The following EXPH5 variants were observed in gnomAD, a reference collection of about 807,000 sequenced individuals.
EXPH5 encodes the protein exophilin 5.
A neutral mutation model predicts 41.1 loss-of-function variants in EXPH5; 42 were observed. That is an observed-to-expected ratio of 1.02 (90% CI 0.80 to 1.32). The LOEUF (loss-of-function observed/expected upper bound fraction) is 1.32. EXPH5 is among the 40% of genes most tolerant of loss of function. The pLI is 0.00. For synonymous variants in EXPH5, 798 were observed against 833.5 expected, an observed-to-expected ratio of 0.96 and a Z score of 0.73; for missense variants, 2,298 against 2,314.5, an observed-to-expected ratio of 0.99 and a Z score of 0.15.
chr11:108,527,630 T>C (rs961518714), intron 4 of EXPH5, among the ~76,000 whole-genome samples: 1 of 152,188 alleles, frequency 6.6e-6, no homozygotes, highest in African/African-American at 2.4e-5. Flanking sequence ...TTAAGCTTCT[T>C]TATCTTGTCA....
intron 1 of EXPH5, among the ~76,000 whole-genome samples, chr11:108,560,288 A>C (rs1481041525): frequency 1.3e-5 from 2 of 152,240 alleles, no homozygotes; most frequent in East Asian, 3.8e-4. Flanking sequence ...GTTAAAGCTC[A>C]TTGGTTTGGA....
chr11:108,519,616 C>T (rs1244943296), intron 4 of EXPH5, among the ~76,000 whole-genome samples: 3 of 151,854 alleles, frequency 2.0e-5, no homozygotes, highest in East Asian at 1.9e-4. Flanking sequence ...GGTGTGGTGG[C>T]GAGTGCCTGT....
rs1313991896 is a variant in EXPH5 at position 108,505,555 on chromosome 11, T to C, written c.*3982A>G. On this transcript the variant is annotated 3_prime_UTR_variant, in exon 6 of 6. Coordinates refer to ENST00000265843, the MANE Select transcript of EXPH5 (RefSeq NM_015065.3). Reference sequence around the variant, plus strand: ...TACATAAAAGGATTATTTGACAAAGTTTTAACAAAAGTGCTTACAGCTTAT... The same window carrying C: ...TACATAAAAGGATTATTTGACAAAGCTTTAACAAAAGTGCTTACAGCTTAT... 6.6e-6 allele frequency: 1 copy of C among 152,150 alleles called. No homozygotes were observed. Among genetic ancestry groups the C allele is most frequent in the Non-Finnish European group, 1.5e-5 (1 of 68,018 alleles). 9.4% of individuals were successfully genotyped at this position (152,150 alleles called of 1,614,324 possible).
chr11:108,581,195 TAGGG>T (rs779356363), intron 1 of EXPH5, among the ~76,000 whole-genome samples: 1 of 151,908 alleles, frequency 6.6e-6, no homozygotes, highest in East Asian at 1.9e-4. Flanking sequence ...TCCCAGCTAC[TAGGG>T]AGGCTGAGGT....
chr11:108,563,460 G>A (rs2094021470), intron 1 of EXPH5, among the ~76,000 whole-genome samples: 2 of 152,192 alleles, frequency 1.3e-5, no homozygotes. Context: ...GAAAGAGGTT[G>A]TGGGTGAACC....
At chr11:108,601,676 C>T in the EXPH5 span, among the ~76,000 whole-genome samples, 18 of 151,632 alleles carry the variant, frequency 1.2e-4, no homozygotes, top group Admixed American at 2.0e-4. Flanking sequence ...ATGATGGAAA[C>T]TCTCTTTCTT....
chr11:108,559,445 C>T (rs2095084216), intron 1 of EXPH5, among the ~76,000 whole-genome samples: 1 of 152,192 alleles, frequency 6.6e-6, no homozygotes, highest in Admixed American at 6.5e-5. Context: ...GGTATACTAG[C>T]ACAGCTGCAA....
Position 108,526,642 on chromosome 11 carries a change from C to T in EXPH5, c.492+1494G>A, listed in dbSNP as rs980965181. ...CACTGCTTAGTTAAAGCAGAGTCTC[C>T]GCAGGTGGCGAGCAACTGGGGTCCA... On this transcript the variant is annotated intron_variant, in intron 4 of 5. Coordinates refer to ENST00000265843, the MANE Select transcript of EXPH5 (RefSeq NM_015065.3). 7.2e-5 allele frequency among the ~76,000 whole-genome samples: 11 copies of T among 152,270 alleles called. No individual in the cohort carries two copies. In the South Asian group the frequency reaches 1.0e-3, roughly 14 times the overall value.
chr11:108,577,658 G>A (rs773322417), intron 1 of EXPH5, among the ~76,000 whole-genome samples: 3 of 152,018 alleles, frequency 2.0e-5, no homozygotes, highest in East Asian at 1.9e-4. Flanking sequence ...CCTGACCTCA[G>A]GTAATCTGCC....
At chr11:108,558,342 G>A (rs2093998395) in intron 1 of EXPH5, among the ~76,000 whole-genome samples, 1 of 152,174 alleles carries the variant, frequency 6.6e-6, no homozygotes, top group South Asian at 2.1e-4. Flanking sequence ...CTCTGCCTTA[G>A]CCTCCCAAGT....
chr11:108,533,631 C>G (rs1012022425), intron 3 of EXPH5, among the ~76,000 whole-genome samples: 1 of 152,178 alleles, frequency 6.6e-6, no homozygotes, highest in Non-Finnish European at 1.5e-5. Flanking sequence ...CCCCTCAAAT[C>G]TATTCTTTGC....
intron 1 of EXPH5, among the ~76,000 whole-genome samples, chr11:108,545,718 C>T (rs2093935131): frequency 6.6e-6 from 1 of 152,044 alleles, no homozygotes; most frequent in African/African-American, 2.4e-5. Flanking sequence ...GCCTGGCCAA[C>T]ATAGCGAAAA....
intron 1 of EXPH5, chr11:108,567,888 G>A (rs1366460165): frequency 6.6e-6 from 1 of 152,200 alleles, no homozygotes; most frequent in Non-Finnish European, 1.5e-5. Flanking sequence ...CAGTCTTCCA[G>A]GGGCTTCATC....
At position 108,513,323 on chromosome 11, in the gene EXPH5, T is replaced by A; in HGVS notation, c.2184A>T (p.Gln728His). 1 of 1,613,766 alleles carries A rather than the reference T, an allele frequency of 6.2e-7. No homozygotes were observed. The highest frequency in any genetic ancestry group is 8.5e-7 in the Non-Finnish European group (1 of 1,179,862). Residue 728 changes from glutamine to histidine, a missense_variant, in exon 6 of 6, where the codon CAA becomes CAT. Gln to His is a conservative substitution (Grantham distance 24, BLOSUM62 0). Transcript: ENST00000265843. Reference protein sequence around the residue: ...DQTNKAGEIPQPVSQTGISNS... With the variant: ...DQTNKAGEIPHPVSQTGISNS... ...TTGAGATCCCTGTCTGTGAAACAGG[T>A]TGGGGTATTTCACCTGCCTTGTTTG...
intron 3 of EXPH5, among the ~76,000 whole-genome samples, chr11:108,537,376 G>A (rs2093886236): frequency 1.3e-5 from 2 of 152,132 alleles, no homozygotes; most frequent in Non-Finnish European, 2.9e-5. Flanking sequence ...CAAGATAAAT[G>A]TTAAATATTC....
intron 1 of EXPH5, among the ~76,000 whole-genome samples, chr11:108,580,939 A>T (rs1029002685): frequency 3.9e-5 from 6 of 152,216 alleles, no homozygotes; most frequent in Admixed American, 6.5e-5. Context: ...TTGTTAAAGG[A>T]TATAAAATTC....
intron 1 of EXPH5, among the ~76,000 whole-genome samples, chr11:108,559,135 T>C (rs76238214): frequency 2.0e-3 from 311 of 152,322 alleles, no homozygotes; most frequent in African/African-American, 7.3e-3. Context: ...TGTACTTTTT[T>C]TGCATGCTGG....
At chr11:108,522,387 A>C (rs751086682) in intron 4 of EXPH5, among the ~76,000 whole-genome samples, 4 of 152,110 alleles carry the variant, frequency 2.6e-5, no homozygotes, top group African/African-American at 4.8e-5. Flanking sequence ...GGGTTACTTT[A>C]GTTCATTTAG....
intron 4 of EXPH5, among the ~76,000 whole-genome samples, chr11:108,526,084 A>T (rs966924844): frequency 2.0e-5 from 3 of 151,444 alleles, no homozygotes; most frequent in Admixed American, 6.6e-5. Context: ...CTGTCTAATT[A>T]AAAAAAATTT....
Sources: gnomAD v4.1 joint callset for allele counts (sites outside exome capture counted in the v4.1 genomes callset) on GRCh38, gnomAD v4.1.1 for gene constraint, MANE v1.5 for transcripts, NCBI Gene and HGNC (gene_info 2026-07-23, HGNC 2026-07-21) for gene names.